ERBB4: variants seen among roughly 807,000 people sequenced by gnomAD.
ERBB4 encodes the protein erb-b2 receptor tyrosine kinase 4, also known as receptor tyrosine-protein kinase erbB-4.
ERBB4 carries 42 observed loss-of-function variants against 158.0 expected under a neutral mutation model. That is an observed-to-expected ratio of 0.27 (90% CI 0.21 to 0.34). The LOEUF (loss-of-function observed/expected upper bound fraction) is 0.34. ERBB4 is among the 10% of genes least tolerant of loss of function. ERBB4 has a pLI of 1.00. For missense variants in ERBB4, 1,333 were observed against 1,624.1 expected (o/e 0.82, Z 3.08); for synonymous variants, 583 against 558.7 (o/e 1.04, Z -0.61).
intron 4 of ERBB4, among the ~76,000 whole-genome samples, chr2:211,776,967 T>C (rs2075892494): frequency 6.6e-6 from 1 of 152,160 alleles, no homozygotes; most frequent in South Asian, 2.1e-4. Flanking sequence ...GTGGTTAAAA[T>C]ATGATTTCTG....
At position 211,692,486 on chromosome 2, in the gene ERBB4, T is replaced by C. The variant is rs553772202; in HGVS notation, c.1489+9481A>G. On this transcript the variant is annotated intron_variant, in intron 12 of 27. Transcript: ENST00000342788. ...CTCTCATAGTTCTGGAGTTCAGAAG[T>C]CCAAAATGACTCTTAAGGGGCTAGA... 9.4e-4 allele frequency among the ~76,000 whole-genome samples: 143 copies of C among 152,232 alleles called. 1 individual carries two copies. The highest frequency in any genetic ancestry group is 1.3e-3 in the Non-Finnish European group (89 of 67,996).
chr2:211,939,966 A>T (rs57895662), intron 3 of ERBB4, among the ~76,000 whole-genome samples: 31,178 of 137,314 alleles, frequency 0.23, 3,915 homozygotes, highest in East Asian at 0.49. Context: ...GGAAAAAAAA[A>T]ATATATATAT....
intron 5 of ERBB4, among the ~76,000 whole-genome samples, chr2:211,747,834 T>C (rs2106201815): frequency 6.6e-6 from 1 of 151,928 alleles, no homozygotes; most frequent in East Asian, 1.9e-4. Context: ...ATATAATATG[T>C]ATACAGAGAG....
chr2:212,261,287 A>G (rs1190171369), intron 1 of ERBB4, among the ~76,000 whole-genome samples: 1 of 152,230 alleles, frequency 6.6e-6, no homozygotes, highest in Non-Finnish European at 1.5e-5. Context: ...ATAGGAAATC[A>G]CATTGAGAAG....
At chr2:212,373,649 TTA>T (rs1369771391) in intron 1 of ERBB4, among the ~76,000 whole-genome samples, 1 of 150,028 alleles carries the variant, frequency 6.7e-6, no homozygotes, top group African/African-American at 2.4e-5. Flanking sequence ...TAGTTCTATT[TTA>T]TATGATATGG....
intron 13 of ERBB4, 112 bp from the exon 14 acceptor site, chr2:211,673,369 C>G: frequency 1.3e-6 from 1 of 769,602 alleles, no homozygotes; most frequent in Non-Finnish European, 2.3e-6. Flanking sequence ...AAGTTTGTTT[C>G]TCTATGTGCC....
intron 3 of ERBB4, among the ~76,000 whole-genome samples, chr2:211,808,334 T>C (rs917085869): frequency 2.8e-4 from 43 of 152,236 alleles, no homozygotes; most frequent in Admixed American, 2.4e-3. Context: ...CAGTTTCAGC[T>C]TTCTACATAT....
intron 2 of ERBB4, among the ~76,000 whole-genome samples, chr2:212,078,170 A>G (rs1169369277): frequency 6.6e-6 from 1 of 152,096 alleles, no homozygotes; most frequent in Non-Finnish European, 1.5e-5. Flanking sequence ...ATATAGACTT[A>G]GGTCACCTCA....
intron 16 of ERBB4, among the ~76,000 whole-genome samples, chr2:211,650,329 T>C (rs575198888): frequency 6.6e-6 from 1 of 152,174 alleles, no homozygotes; most frequent in Admixed American, 6.5e-5. Context: ...TAAAACAAAT[T>C]TAAGATCTAT....
rs1014625801 is a variant in ERBB4, at chr2:211,383,385, C to G, written c.*230G>C. 14 of 551,524 alleles carry G rather than the reference C, an allele frequency of 2.5e-5. No individual in the cohort carries two copies. Among genetic ancestry groups the G allele is most frequent in the Non-Finnish European group, 3.9e-5 (12 of 307,262 alleles). The allele number at this position is 551,524 out of a possible 1,614,324, so 34.2% of individuals were successfully genotyped here. On this transcript the variant is annotated 3_prime_UTR_variant, in exon 28 of 28. Coordinates refer to ENST00000342788, the MANE Select transcript of ERBB4 (RefSeq NM_005235.3). ...TAGCTGTTTCATTCTCCTGACCAAC[C>G]CATGCAGAGAAATGAAGAAACATTG...
intron 1 of ERBB4, among the ~76,000 whole-genome samples, chr2:212,502,155 T>C (rs10190653): frequency 0.13 from 19,590 of 152,048 alleles, 1,339 homozygotes; most frequent in Non-Finnish European, 0.15. Context: ...TTTTCTCCTT[T>C]ATTAATGTAT....
At chr2:212,274,095 A>C (rs2085440622) in intron 1 of ERBB4, among the ~76,000 whole-genome samples, 1 of 151,870 alleles carries the variant, frequency 6.6e-6, no homozygotes, top group South Asian at 2.1e-4. Context: ...AATGTTATTA[A>C]GAAAATCACG....
At chr2:212,421,568 A>G (rs909093327) in intron 1 of ERBB4, among the ~76,000 whole-genome samples, 1 of 152,190 alleles carries the variant, frequency 6.6e-6, no homozygotes, top group Non-Finnish European at 1.5e-5. Context: ...GGATATTGTC[A>G]GTAAGAATGA....
intron 1 of ERBB4, among the ~76,000 whole-genome samples, chr2:212,311,933 A>C (rs1268956999): frequency 6.6e-6 from 1 of 150,992 alleles, no homozygotes; most frequent in East Asian, 2.0e-4. Context: ...TAAATACAGA[A>C]AGGGAGAGGA....
At chr2:211,871,625 C>A (rs2106115539) in intron 3 of ERBB4, among the ~76,000 whole-genome samples, 1 of 152,080 alleles carries the variant, frequency 6.6e-6, no homozygotes, top group East Asian at 1.9e-4. Context: ...TATTCCCTAG[C>A]AGTAAGTATA....
chr2:212,505,411 G>A lies in ERBB4; in HGVS notation c.82+33038C>T, dbSNP rs536572542. ...CACACCCGGCCTGTTTCTCACTCTT[G>A]AAGAGAGTGAGTATTAAACATCAAG... On this transcript the variant is annotated intron_variant, in intron 1 of 27. Coordinates refer to ENST00000342788, the MANE Select transcript of ERBB4 (RefSeq NM_005235.3). Among the ~76,000 whole-genome samples, 4 of 149,658 alleles carry A rather than the reference G, an allele frequency of 2.7e-5. No homozygotes were observed. The South Asian group carries it at 8.4e-4, about 32-fold the overall frequency.
At chr2:211,993,426 T>C (rs1042617693) in intron 2 of ERBB4, among the ~76,000 whole-genome samples, 1 of 152,090 alleles carries the variant, frequency 6.6e-6, no homozygotes, top group African/African-American at 2.4e-5. Context: ...AAAATAAACT[T>C]CTGCTGTTTA....
chr2:212,306,253 T>C (rs73068256), intron 1 of ERBB4, among the ~76,000 whole-genome samples: 4,843 of 151,586 alleles, frequency 0.032, 265 homozygotes, highest in African/African-American at 0.11. Flanking sequence ...ACTTGACATT[T>C]CTAATTCAGC....
rs1297313981 is a variant in ERBB4, at chr2:211,685,780, C to T, written c.1490-6596G>A. ...CAGTAGGCTTTTGCATTTATTTACA[C>T]CTGCTTTGATTTCTTTCATCAGTAT... On this transcript the variant is annotated intron_variant, in intron 12 of 27. Transcript: ENST00000342788. 2.0e-5 allele frequency among the ~76,000 whole-genome samples: 3 copies of T among 152,060 alleles called. No individual in the cohort carries two copies. The East Asian group carries it at 5.8e-4, about 29-fold the overall frequency.
Sources: allele counts gnomAD v4.1 joint callset (sites outside exome capture counted in the v4.1 genomes callset), GRCh38; gene constraint gnomAD v4.1.1; transcripts MANE v1.5; gene names NCBI Gene and HGNC (gene_info 2026-07-23, HGNC 2026-07-21).